ZDHHC21: variants seen among roughly 807,000 people sequenced by gnomAD.
ZDHHC21 encodes the protein palmitoyltransferase ZDHHC21.
A neutral mutation model predicts 34.6 loss-of-function variants in ZDHHC21; 15 were observed. That is an observed-to-expected ratio of 0.43 (90% CI 0.29 to 0.67). The LOEUF is 0.67. Among genes scored for constraint, ZDHHC21 ranks in the 30% least tolerant of loss-of-function variants. ZDHHC21 has a pLI of 0.14. For synonymous variants in ZDHHC21, 142 were observed against 101.8 expected, an observed-to-expected ratio of 1.40 and a Z score of -2.38; for missense variants, 344 against 327.7, an observed-to-expected ratio of 1.05 and a Z score of -0.38.
chr9:14,602,089 A>AT, the ZDHHC21 span, among the ~76,000 whole-genome samples: 2 of 152,054 alleles, frequency 1.3e-5, no homozygotes, highest in African/African-American at 4.8e-5. Flanking sequence ...TGGCAAGTGT[A>AT]TATCTATGTA....
In ZDHHC21 at chr9:14,683,421, C is replaced by A. The variant is rs902460619; in HGVS notation, c.-175-3259G>T. On this transcript the variant is annotated intron_variant, in intron 2 of 9. Transcript: ENST00000380916. ...CTACCATCAGAGAATACTATAAACACCTCTATGCAAATAAACTAGAAAATC... is the reference window on the plus strand; with the variant it reads ...CTACCATCAGAGAATACTATAAACAACTCTATGCAAATAAACTAGAAAATC... 2.6e-5 allele frequency: 4 copies of A among 152,124 alleles called. No homozygotes were observed. In the South Asian group the frequency reaches 8.3e-4, roughly 32 times the overall value. The allele number at this position is 152,124 out of a possible 1,614,324, so 9.4% of individuals were successfully genotyped here.
At chr9:14,678,017 G>A (rs928832983) in intron 3 of ZDHHC21, among the ~76,000 whole-genome samples, 1 of 152,034 alleles carries the variant, frequency 6.6e-6, no homozygotes, top group Non-Finnish European at 1.5e-5. Context: ...CTTAGCCTAA[G>A]CGGTCCTGTT....
intron 5 of ZDHHC21, among the ~76,000 whole-genome samples, chr9:14,667,286 C>T (rs1191932447): frequency 6.8e-5 from 10 of 147,902 alleles, no homozygotes; most frequent in East Asian, 2.0e-4. Context: ...TACACTCTCC[C>T]AAGACTAAAC....
intron 4 of ZDHHC21, 72 bp from the exon 5 acceptor site, chr9:14,673,000 G>A: frequency 2.1e-6 from 2 of 960,810 alleles, no homozygotes; most frequent in Non-Finnish European, 1.5e-6. Context: ...CATATTTAAA[G>A]TTTAAAATGT....
chr9:14,671,183 C>T (rs186562945), intron 5 of ZDHHC21, among the ~76,000 whole-genome samples: 2 of 151,896 alleles, frequency 1.3e-5, no homozygotes, highest in African/African-American at 2.4e-5. Context: ...TTTTGTTTAA[C>T]CTGGAGATTT....
chr9:14,684,709 G>A (rs1320415686), intron 2 of ZDHHC21, among the ~76,000 whole-genome samples: 2 of 148,942 alleles, frequency 1.3e-5, no homozygotes, highest in African/African-American at 4.9e-5. Flanking sequence ...CTACTTTAAA[G>A]CTCATATGGA....
At chr9:14,639,772 A>T (rs1422386692) in intron 8 of ZDHHC21, 124 bp downstream of exon 8, 3 of 519,296 alleles carry the variant, frequency 5.8e-6, no homozygotes, top group Non-Finnish European at 9.9e-6. Flanking sequence ...TAGGCACATG[A>T]AAGTATTAAA....
intron 2 of ZDHHC21, among the ~76,000 whole-genome samples, chr9:14,681,354 G>A (rs1333764080): frequency 1.3e-5 from 2 of 152,078 alleles, no homozygotes; most frequent in African/African-American, 2.4e-5. Context: ...TGAGTCACTG[G>A]CACTACAGCT....
intron 2 of ZDHHC21, among the ~76,000 whole-genome samples, chr9:14,681,653 G>A (rs1353299942): frequency 1.3e-5 from 2 of 151,974 alleles, no homozygotes; most frequent in Non-Finnish European, 2.9e-5. Flanking sequence ...AACTAGGTAG[G>A]TTGACTGTTA....
chr9:14,649,794 T>G (rs1444176697), intron 7 of ZDHHC21, among the ~76,000 whole-genome samples: 2 of 152,112 alleles, frequency 1.3e-5, no homozygotes, highest in Non-Finnish European at 2.9e-5. Context: ...AAAAATTATT[T>G]TGTCTGCCTG....
At chr9:14,662,029 T>C (rs1055156973) in intron 6 of ZDHHC21, among the ~76,000 whole-genome samples, 186 bp downstream of exon 6, 3 of 152,164 alleles carry the variant, frequency 2.0e-5, no homozygotes, top group African/African-American at 7.2e-5. Flanking sequence ...TTAGAAAAGA[T>C]AGGATTTCTG....
intron 2 of ZDHHC21, among the ~76,000 whole-genome samples, chr9:14,680,837 G>A (rs944177059): frequency 3.9e-5 from 6 of 152,106 alleles, no homozygotes; most frequent in Non-Finnish European, 5.9e-5. Context: ...AGAGCAAGGG[G>A]ACAAAACTGT....
the ZDHHC21 span, among the ~76,000 whole-genome samples, chr9:14,599,907 CAT>C: frequency 7.9e-4 from 120 of 152,302 alleles, no homozygotes; most frequent in African/African-American, 2.6e-3. Flanking sequence ...ACAGAAACCA[CAT>C]GATTACCTCA....
At chr9:14,677,147 A>C (rs1320243844) in intron 3 of ZDHHC21, among the ~76,000 whole-genome samples, 3 of 152,074 alleles carry the variant, frequency 2.0e-5, no homozygotes, top group Non-Finnish European at 4.4e-5. Context: ...CATAGTGAAA[A>C]GTATAGTTTA....
At chr9:14,650,825 T>C (rs766161252) in intron 7 of ZDHHC21, among the ~76,000 whole-genome samples, 24 of 152,020 alleles carry the variant, frequency 1.6e-4, no homozygotes, top group Admixed American at 1.2e-3. Flanking sequence ...ATTTTCCTCT[T>C]CTGAATTTTG....
chr9:14,600,909 C>T, the ZDHHC21 span, among the ~76,000 whole-genome samples: 1 of 152,156 alleles, frequency 6.6e-6, no homozygotes, highest in Non-Finnish European at 1.5e-5. Context: ...GAAAGGATTC[C>T]CTTTTTAATA....
chr9:14,626,739 C>T (rs549782412), intron 8 of ZDHHC21, among the ~76,000 whole-genome samples: 36 of 151,760 alleles, frequency 2.4e-4, no homozygotes, highest in African/African-American at 8.0e-4. Context: ...TTTTTATAAA[C>T]TTATCATATA....
At chr9:14,682,289 G>A (rs1191833439) in intron 2 of ZDHHC21, among the ~76,000 whole-genome samples, 1 of 152,128 alleles carries the variant, frequency 6.6e-6, no homozygotes, top group Non-Finnish European at 1.5e-5. Flanking sequence ...CTGTATTCAG[G>A]AGACCCATCT....
chr9:14,591,298 G>C, the ZDHHC21 span, among the ~76,000 whole-genome samples: 2 of 151,992 alleles, frequency 1.3e-5, no homozygotes, highest in East Asian at 1.9e-4. Flanking sequence ...AGATTATTAG[G>C]TCATGAGGGA....
Sources: gnomAD v4.1 joint callset for allele counts (sites outside exome capture counted in the v4.1 genomes callset) on GRCh38, gnomAD v4.1.1 for gene constraint, MANE v1.5 for transcripts, NCBI Gene and HGNC (gene_info 2026-07-23, HGNC 2026-07-21) for gene names.